The following GABRA2 variants were observed in gnomAD, a reference collection of about 807,000 sequenced individuals.
GABRA2 encodes the protein gamma-aminobutyric acid type A receptor subunit alpha2, also known as gamma-aminobutyric acid receptor subunit alpha-2.
GABRA2 carries 16 observed loss-of-function variants against 48.7 expected under a neutral mutation model. That is an observed-to-expected ratio of 0.33 (90% CI 0.22 to 0.50). The LOEUF is 0.50. GABRA2 is among the 20% of genes least tolerant of loss of function. The probability of loss-of-function intolerance (pLI) is 0.98; values close to 1 mark genes in which losing one functional copy is unlikely to be tolerated. For synonymous variants in GABRA2, 185 were observed against 184.5 expected (o/e 1.00, Z -0.02); for missense variants, 275 against 535.6 (o/e 0.51, Z 4.80).
At chr4:46,255,237 C>T (rs1467475089) in intron 9 of GABRA2, among the ~76,000 whole-genome samples, 1 of 151,198 alleles carries the variant, frequency 6.6e-6, no homozygotes, top group East Asian at 2.0e-4. Flanking sequence ...TGGCATGTAA[C>T]TAAAACGCTT....
At chr4:46,374,236 C>T (rs1418594318) in intron 3 of GABRA2, among the ~76,000 whole-genome samples, 1 of 152,098 alleles carries the variant, frequency 6.6e-6, no homozygotes, top group African/African-American at 2.4e-5. Context: ...AATCTAAAAT[C>T]TTCACAAGTA....
intron 8 of GABRA2, among the ~76,000 whole-genome samples, chr4:46,270,102 T>C (rs1264790958): frequency 6.6e-6 from 1 of 152,004 alleles, no homozygotes; most frequent in Non-Finnish European, 1.5e-5. Context: ...TAAAATTAGA[T>C]TTTGGTCTAT....
At chr4:46,337,686 T>C (rs376506761) in intron 3 of GABRA2, among the ~76,000 whole-genome samples, 11 of 143,322 alleles carry the variant, frequency 7.7e-5, no homozygotes, top group Admixed American at 4.3e-4. Context: ...GATTAGCAAA[T>C]GGTAGAAGTC....
intron 8 of GABRA2, among the ~76,000 whole-genome samples, chr4:46,276,816 T>C (rs1720601946): frequency 6.6e-6 from 1 of 151,992 alleles, no homozygotes. Context: ...TTTTTCAGAA[T>C]TAAATAATGA....
intron 4 of GABRA2, among the ~76,000 whole-genome samples, chr4:46,324,815 C>T (rs528394523): frequency 6.6e-6 from 1 of 151,732 alleles, no homozygotes; most frequent in Non-Finnish European, 1.5e-5. Flanking sequence ...GAAAACATGT[C>T]ATATTTGGTT....
intron 3 of GABRA2, among the ~76,000 whole-genome samples, chr4:46,346,645 A>G (rs1734194752): frequency 6.7e-6 from 1 of 149,274 alleles, no homozygotes; most frequent in Non-Finnish European, 1.5e-5. Flanking sequence ...TTATTATTGT[A>G]GTTTTCTTTG....
At chr4:46,384,618 AAAT>A (rs1189151168) in intron 3 of GABRA2, among the ~76,000 whole-genome samples, 1 of 152,134 alleles carries the variant, frequency 6.6e-6, no homozygotes, top group Non-Finnish European at 1.5e-5. Context: ...ATTTATTTTA[AAAT>A]AATATGATCT....
At position 46,254,039 on chromosome 4, in the gene GABRA2, T is replaced by A. The variant is rs941184038; in HGVS notation, c.1060-3435A>T. 3.3e-5 allele frequency among the ~76,000 whole-genome samples: 5 copies of A among 151,470 alleles called. No individual in the cohort carries two copies. The Admixed American group carries it at 3.3e-4, about 10-fold the overall frequency. On this transcript the variant is annotated intron_variant, in intron 9 of 9. Coordinates refer to ENST00000381620, the MANE Select transcript of GABRA2 (RefSeq NM_000807.4). ...TCTAAAGCAGAGTCTATAGGTTAAG[T>A]CTACATAATATATATTATTAATATT...
At chr4:46,270,495 C>T (rs1577842995) in intron 8 of GABRA2, among the ~76,000 whole-genome samples, 1 of 151,936 alleles carries the variant, frequency 6.6e-6, no homozygotes, top group East Asian at 1.9e-4. Flanking sequence ...TAAATGTTTC[C>T]TTAGCATTTC....
At chr4:46,305,832 C>G (rs1184949796) in intron 6 of GABRA2, 121 bp from the exon 7 acceptor site, 4 of 672,476 alleles carry the variant, frequency 5.9e-6, no homozygotes, top group Non-Finnish European at 7.2e-6. Context: ...AGTTAAACAT[C>G]ACATTTAGGG....
At chr4:46,309,142 A>G (rs182661256) in intron 6 of GABRA2, among the ~76,000 whole-genome samples, 64 of 152,292 alleles carry the variant, frequency 4.2e-4, no homozygotes, top group African/African-American at 1.4e-3. Context: ...AGATTCTCAA[A>G]GAAAATTGAG....
At chr4:46,387,544 T>C (rs529128938) in intron 2 of GABRA2, among the ~76,000 whole-genome samples, 18 of 152,304 alleles carry the variant, frequency 1.2e-4, no homozygotes, top group African/African-American at 4.3e-4. Flanking sequence ...AAAGTTTCTG[T>C]ATTGCCTACT....
intron 4 of GABRA2, among the ~76,000 whole-genome samples, chr4:46,326,975 C>T (rs1410147095): frequency 1.6e-4 from 24 of 151,924 alleles, no homozygotes; most frequent in Non-Finnish European, 2.9e-5. Context: ...CCCTTATATC[C>T]AACAGATCAC....
intron 2 of GABRA2, among the ~76,000 whole-genome samples, chr4:46,387,423 A>G (rs1717618303): frequency 6.6e-6 from 1 of 152,216 alleles, no homozygotes; most frequent in African/African-American, 2.4e-5. Flanking sequence ...AAAACTGGTA[A>G]CCAACTTCAA....
In GABRA2 at chr4:46,370,407, A is replaced by G. The variant is rs1287301531; in HGVS notation, c.187+15667T>C. On this transcript the variant is annotated intron_variant, in intron 3 of 9. Transcript: ENST00000381620. Reference sequence around the variant, plus strand: ...AACAGTAGAGGGACAAAACAAACAAACAAACAAAAAACCCAACCAACCAGG... The same window carrying G: ...AACAGTAGAGGGACAAAACAAACAAGCAAACAAAAAACCCAACCAACCAGG... 2.6e-5 allele frequency among the ~76,000 whole-genome samples: 4 copies of G among 152,248 alleles called. No homozygotes were observed. The East Asian group carries it at 7.7e-4, about 29-fold the overall frequency.
At chr4:46,352,532 G>A (rs1735297919) in intron 3 of GABRA2, among the ~76,000 whole-genome samples, 1 of 151,874 alleles carries the variant, frequency 6.6e-6, no homozygotes, top group African/African-American at 2.4e-5. Context: ...ATACAAAAAC[G>A]AAATGCATCA....
intron 6 of GABRA2, among the ~76,000 whole-genome samples, chr4:46,308,757 G>C (rs1376544870): frequency 6.6e-6 from 1 of 152,056 alleles, no homozygotes; most frequent in African/African-American, 2.4e-5. Flanking sequence ...TGCAGTATAA[G>C]AGATTTTTAA....
intron 4 of GABRA2, 28 bp from the exon 5 acceptor site, chr4:46,312,744 A>G: frequency 8.4e-7 from 1 of 1,193,298 alleles, no homozygotes; most frequent in Non-Finnish European, 1.2e-6. Context: ...ATTTTTTTGA[A>G]AATAGTAAAT....
At chr4:46,302,284 C>T (rs1208163287) in intron 8 of GABRA2, among the ~76,000 whole-genome samples, 1 of 152,054 alleles carries the variant, frequency 6.6e-6, no homozygotes, top group Non-Finnish European at 1.5e-5. Context: ...TGGTCTCCAA[C>T]TCCTGGTCTC....
Sources: allele counts gnomAD v4.1 joint callset (sites outside exome capture counted in the v4.1 genomes callset), GRCh38; gene constraint gnomAD v4.1.1; transcripts MANE v1.5; gene names NCBI Gene and HGNC (gene_info 2026-07-23, HGNC 2026-07-21).